The following TTI2 variants were observed in gnomAD, a reference collection of about 807,000 sequenced individuals.
The protein encoded by TTI2 is TELO2-interacting protein 2.
In TTI2, 26 loss-of-function variants were observed where a neutral mutation model predicts 44.9. The observed-to-expected ratio is 0.58, with a 90% CI of 0.42 to 0.80. The LOEUF (loss-of-function observed/expected upper bound fraction) is 0.80, where lower values mean the gene tolerates loss of function less well. Among genes scored for constraint, TTI2 ranks in the 30% least tolerant of loss-of-function variants. The pLI is 0.00. For synonymous variants in TTI2, 254 were observed against 250.9 expected (o/e 1.01, Z -0.12); for missense variants, 582 against 611.6 (o/e 0.95, Z 0.51).
At chr8:33,506,538 C>T (rs1344415132) in intron 4 of TTI2, among the ~76,000 whole-genome samples, 4 of 151,274 alleles carry the variant, frequency 2.6e-5, no homozygotes, top group African/African-American at 9.7e-5. Flanking sequence ...ACTACAGACA[C>T]GTGCCACCAC....
chr8:33,503,560 TA>T lies in TTI2; in HGVS notation c.1127del (p.Leu376GlnfsTer6). The T allele has an allele frequency of 6.2e-7, 1 of 1,613,990 alleles. No homozygotes were observed. On this transcript the variant is annotated frameshift_variant, in exon 6 of 8. Coordinates refer to ENST00000431156, the MANE Select transcript of TTI2 (RefSeq NM_001102401.4). LOFTEE classifies it high-confidence loss of function. Reference sequence around the variant, plus strand: ...CCAGCCTCTTTAAGTGCCGGACAGTTAGGATCCCCAACCTAAAGATGAAAGA... The same window carrying T: ...CCAGCCTCTTTAAGTGCCGGACAGTTGGATCCCCAACCTAAAGATGAAAGA... ...LPAFVNRLGI[L>X]TVRHLKRLER...
At position 33,509,849 on chromosome 8, in the gene TTI2, T is replaced by C; in HGVS notation, c.731A>G (p.His244Arg). ...TGATGCGGGAAGTACCCTTTCCAGA[T>C]GCTGGCTCAGCCAGGGCCGAGTGAC... ...QQVTRPWLSQ[H>R]LERVLPASLV... The change falls in exon 3 of 8, where the codon CAT becomes CGT. Residue 244 changes from histidine (H) to arginine (R), a missense_variant. Physicochemically the swap from His to Arg is conservative, Grantham distance 29. Transcript: ENST00000431156. The C allele has an allele frequency of 1.9e-6, 3 of 1,614,128 alleles. No homozygotes were observed. The highest frequency in any genetic ancestry group is 2.5e-6 in the Non-Finnish European group (3 of 1,180,006).
intron 4 of TTI2, among the ~76,000 whole-genome samples, chr8:33,505,768 T>C (rs141438154): frequency 0.015 from 2,343 of 152,206 alleles, 73 homozygotes; most frequent in African/African-American, 0.053. Context: ...ATTCTCCTGC[T>C]TCAGCCTTCC....
Position 33,498,947 on chromosome 8 carries a change from C to G in TTI2, c.*226G>C, listed in dbSNP as rs1041642470. 1.0e-5 allele frequency: 6 copies of G among 587,464 alleles called. No homozygotes were observed. In the East Asian group the frequency reaches 1.4e-4, roughly 14 times the overall value. 36.4% of individuals were successfully genotyped at this position (587,464 alleles called of 1,614,324 possible). ...TTTCTAAATTTTAAATGCTACATTA[C>G]TTGGTGTCCTTTTTTCTCCCAAACT... On this transcript the variant is annotated 3_prime_UTR_variant, in exon 8 of 8. Transcript: ENST00000431156.
intron 4 of TTI2, 47 bp downstream of exon 4, chr8:33,507,182 C>A: frequency 1.3e-6 from 2 of 1,539,276 alleles, no homozygotes; most frequent in South Asian, 2.2e-5. Context: ...ACCTTCTACT[C>A]AAATTCAGAG....
intron 2 of TTI2, among the ~76,000 whole-genome samples, chr8:33,510,449 T>C (rs187130043): frequency 6.6e-6 from 1 of 152,300 alleles, no homozygotes; most frequent in East Asian, 1.9e-4. Context: ...CCATCTGGGT[T>C]CACTGCAACC....
chr8:33,503,651 G>C lies in TTI2; in HGVS notation c.1116-79C>G, dbSNP rs890814837. On this transcript the variant is annotated intron_variant, in intron 5 of 7. Transcript: ENST00000431156. ...CCAGTACTTTGGGAGGCTGAGGTGGGAGGATTGCTTGAGGCCAGGAGCTCG... is the reference window on the plus strand; with the variant it reads ...CCAGTACTTTGGGAGGCTGAGGTGGCAGGATTGCTTGAGGCCAGGAGCTCG... 11 of 1,608,152 alleles carry C rather than the reference G, an allele frequency of 6.8e-6. No individual in the cohort carries two copies. The African/African-American group carries it at 1.3e-4, about 20-fold the overall frequency.
intron 7 of TTI2, chr8:33,499,609 G>T: frequency 4.4e-6 from 1 of 225,322 alleles, no homozygotes; most frequent in Admixed American, 5.2e-5. Flanking sequence ...AGATGAAATA[G>T]TTTGAATAAA....
Position 33,512,617 on chromosome 8 carries a change from T to TGAG in TTI2, c.-5_-4insCTC, listed in dbSNP as rs1809597014. 6.2e-7 allele frequency: 1 copy of TGAG among 1,612,332 alleles called. No individual in the cohort carries two copies. Reference sequence around the variant, plus strand: ...CCAGAGCGCTGTCAAGCTCCATTCCTGACTGCAGCACCAGAAGGCTGGTCT... The same window carrying TGAG: ...CCAGAGCGCTGTCAAGCTCCATTCCTGAGGACTGCAGCACCAGAAGGCTGGTCT... On this transcript the variant is annotated 5_prime_UTR_variant, in exon 2 of 8. Transcript: ENST00000431156.
chr8:33,509,114 G>A (rs1211600198), intron 3 of TTI2, among the ~76,000 whole-genome samples: 6 of 127,672 alleles, frequency 4.7e-5, no homozygotes, highest in African/African-American at 1.2e-4. Context: ...CAGCCCAGGC[G>A]ACAGAGTGAT....
chr8:33,504,321 CAG>C (rs1446745184), intron 4 of TTI2, among the ~76,000 whole-genome samples: 2 of 32,462 alleles, frequency 6.2e-5, no homozygotes, highest in Non-Finnish European at 1.3e-4. Flanking sequence ...TTTTGTGAGA[CAG>C]AGTCACTCTG....
intron 3 of TTI2, 30 bp from the exon 4 acceptor site, chr8:33,507,351 G>C (rs1187017072): frequency 4.4e-6 from 7 of 1,599,906 alleles, no homozygotes; most frequent in African/African-American, 1.3e-5. Context: ...CAAATTAAAA[G>C]AATAGTTTCC....
chr8:33,509,616 T>G, intron 3 of TTI2, 130 bp downstream of exon 3: 2 of 877,958 alleles, frequency 2.3e-6, no homozygotes, highest in Admixed American at 2.0e-5. Flanking sequence ...ACCAGGTGGA[T>G]AGAGGAAAAA....
chr8:33,507,093 CT>C, intron 4 of TTI2, 135 bp downstream of exon 4: 1 of 759,042 alleles, frequency 1.3e-6, no homozygotes, highest in South Asian at 1.6e-5. Context: ...ATATTTTTAA[CT>C]TGGCAACGCT....
Position 33,512,728 on chromosome 8 carries a change from A to G in TTI2, c.-99-16T>C, listed in dbSNP as rs1214280039. ...CCAAAGAGAACTAAAATCAAATAAA[A>G]TAAAACAGAGAGATGTCTTGGAGGA... On this transcript the variant is annotated splice_polypyrimidine_tract_variant and intron_variant, in intron 1 of 7. Transcript: ENST00000431156. 5.7e-6 allele frequency: 7 copies of G among 1,235,168 alleles called. No individual in the cohort carries two copies. Among genetic ancestry groups the G allele is most frequent in the Non-Finnish European group, 7.9e-6 (7 of 890,542 alleles). The allele number at this position is 1,235,168 out of a possible 1,614,324, so 76.5% of individuals were successfully genotyped here.
rs1436158701 is a variant in TTI2, at chr8:33,503,804, C to T, written c.1059G>A (p.Glu353=). Residue 353 remains glutamate (E), a synonymous_variant, in exon 5 of 8, where the codon GAG becomes GAA. Transcript: ENST00000431156. ...AGGTCCTGCGTAAAAGAAGGCGGTGCTCTGGCTCCATGTGGGTCAGGATCA... is the reference window on the plus strand; with the variant it reads ...AGGTCCTGCGTAAAAGAAGGCGGTGTTCTGGCTCCATGTGGGTCAGGATCA... ...LRLILTHMEP[E]HRLLLRRTYA... is the part of the protein sequence containing the mutation. 1.2e-6 allele frequency: 2 copies of T among 1,614,110 alleles called. No homozygotes were observed. The highest frequency in any genetic ancestry group is 2.2e-5 in the South Asian group (2 of 91,078).
intron 2 of TTI2, among the ~76,000 whole-genome samples, chr8:33,511,080 T>C (rs185199918): frequency 1.3e-5 from 2 of 152,288 alleles, no homozygotes; most frequent in African/African-American, 4.8e-5. Flanking sequence ...TCTTGCTCTG[T>C]TGCCCAGATT....
At chr8:33,508,482 G>A (rs1021860606) in intron 3 of TTI2, among the ~76,000 whole-genome samples, 28 of 151,982 alleles carry the variant, frequency 1.8e-4, no homozygotes, top group South Asian at 4.2e-4. Flanking sequence ...ATGGTGGTGC[G>A]TTCCTGTAAT....
chr8:33,512,654 C>G lies in TTI2; in HGVS notation c.-41G>C. On this transcript the variant is annotated 5_prime_UTR_variant, in exon 2 of 8. Coordinates refer to ENST00000431156, the MANE Select transcript of TTI2 (RefSeq NM_001102401.4). Reference sequence around the variant, plus strand: ...CAGAAGGCTGGTCTCTCCCACAGAACGAGGATGGAGGCGGGGAGGGATCCG... The same window carrying G: ...CAGAAGGCTGGTCTCTCCCACAGAAGGAGGATGGAGGCGGGGAGGGATCCG... 8 of 1,606,280 alleles carry G rather than the reference C, an allele frequency of 5.0e-6. No homozygotes were observed. The highest frequency in any genetic ancestry group is 6.8e-6 in the Non-Finnish European group (8 of 1,179,088).
Sources: allele counts gnomAD v4.1 joint callset (sites outside exome capture counted in the v4.1 genomes callset), GRCh38; gene constraint gnomAD v4.1.1; transcripts MANE v1.5; gene names NCBI Gene and HGNC (gene_info 2026-07-23, HGNC 2026-07-21).